Variants in GULP1 observed in about 807,000 individuals in gnomAD.
GULP1 encodes PTB domain-containing engulfment adapter protein 1.
In GULP1, 19 loss-of-function variants were observed where a neutral mutation model predicts 40.9. The observed-to-expected ratio is 0.46, with a 90% CI of 0.32 to 0.68. GULP1 has a LOEUF of 0.68. GULP1 is among the 30% of genes least tolerant of loss of function. GULP1 has a pLI of 0.03. For missense variants in GULP1, 312 were observed against 362.2 expected, an observed-to-expected ratio of 0.86 and a Z score of 1.12; for synonymous variants, 119 against 117.6, an observed-to-expected ratio of 1.01 and a Z score of -0.08.
chr2:188,361,010 T>C (rs887545947), intron 1 of GULP1, among the ~76,000 whole-genome samples: 1 of 152,096 alleles, frequency 6.6e-6, no homozygotes, highest in Non-Finnish European at 1.5e-5. Context: ...AAATTAGCAA[T>C]TTAAAGCTCT....
At chr2:188,484,984 ATCATTTCCACAGATATTGT>A (rs1460980553) in intron 4 of GULP1, among the ~76,000 whole-genome samples, 28 of 152,130 alleles carry the variant, frequency 1.8e-4, no homozygotes, top group Admixed American at 1.8e-3. Flanking sequence ...TATGTTATCC[ATCATTTCCACAGATATTGT>A]TTGTATTAGC....
At chr2:188,573,805 A>G (rs570802618) in intron 9 of GULP1, among the ~76,000 whole-genome samples, 1 of 152,304 alleles carries the variant, frequency 6.6e-6, no homozygotes, top group South Asian at 2.1e-4. Flanking sequence ...GAATTACAAC[A>G]TAGGTGGGTA....
intron 11 of GULP1, 178 bp downstream of exon 11, chr2:188,588,127 CTAAGGA>C: frequency 1.6e-6 from 1 of 628,164 alleles, no homozygotes; most frequent in Non-Finnish European, 2.9e-6. Context: ...CCTACATATG[CTAAGGA>C]TAAGGTTGTT....
chr2:188,382,965 T>A (rs1222915572), intron 1 of GULP1, among the ~76,000 whole-genome samples: 1 of 152,146 alleles, frequency 6.6e-6, no homozygotes, highest in African/African-American at 2.4e-5. Context: ...AGATATGGCA[T>A]CATCAATGTC....
At chr2:188,569,190 C>A (rs61045757) in intron 7 of GULP1, 49 bp from the exon 8 acceptor site, 51,263 of 927,702 alleles carry the variant, frequency 0.055, 5,468 homozygotes, top group African/African-American at 0.39. Context: ...GATTCAAAAA[C>A]AGTTTGACAT....
chr2:188,422,407 T>C (rs1160899499), intron 2 of GULP1, among the ~76,000 whole-genome samples: 1 of 147,412 alleles, frequency 6.8e-6, no homozygotes, highest in Admixed American at 6.7e-5. Context: ...CACATATACA[T>C]ATATATATAT....
chr2:188,293,400 G>C (rs2034219798), intron 1 of GULP1, among the ~76,000 whole-genome samples: 1 of 152,208 alleles, frequency 6.6e-6, no homozygotes, highest in Non-Finnish European at 1.5e-5. Flanking sequence ...AAAAGTTACG[G>C]AGAATGTTCA....
At chr2:188,459,710 AT>A (rs2059550834) in intron 2 of GULP1, among the ~76,000 whole-genome samples, 1 of 151,990 alleles carries the variant, frequency 6.6e-6, no homozygotes, top group Non-Finnish European at 1.5e-5. Context: ...TACTAAAGAA[AT>A]TTTTGCCCAG....
At chr2:188,453,533 C>T (rs945382371) in intron 2 of GULP1, among the ~76,000 whole-genome samples, 4 of 152,106 alleles carry the variant, frequency 2.6e-5, no homozygotes, top group African/African-American at 9.7e-5. Flanking sequence ...CAGAGTTAAG[C>T]AACAGCATAA....
At chr2:188,432,730 A>C (rs538703181) in intron 2 of GULP1, among the ~76,000 whole-genome samples, 2 of 152,228 alleles carry the variant, frequency 1.3e-5, no homozygotes, top group South Asian at 4.1e-4. Context: ...TTTAAAACTC[A>C]GCTTATTTAT....
chr2:188,380,129 G>T lies in GULP1; in HGVS notation c.-171-3634G>T, dbSNP rs1175557289. On this transcript the variant is annotated intron_variant, in intron 1 of 11. Coordinates refer to ENST00000409830, the MANE Select transcript of GULP1 (RefSeq NM_016315.4). ...ATTTTATTTTCCTTAGAGTGTAGGGGTATAGGTATGACTATTTGCATGTCA... is the reference window on the plus strand; with the variant it reads ...ATTTTATTTTCCTTAGAGTGTAGGGTTATAGGTATGACTATTTGCATGTCA... 2.6e-5 allele frequency among the ~76,000 whole-genome samples: 4 copies of T among 152,200 alleles called. No individual in the cohort carries two copies. In the East Asian group the frequency reaches 7.7e-4, roughly 29 times the overall value.
At chr2:188,375,963 G>A (rs1304884269) in intron 1 of GULP1, among the ~76,000 whole-genome samples, 2 of 151,990 alleles carry the variant, frequency 1.3e-5, no homozygotes, top group East Asian at 1.9e-4. Flanking sequence ...GTAGCCATGC[G>A]GAACCCGTAT....
At chr2:188,456,672 C>A (rs1382561965) in intron 2 of GULP1, among the ~76,000 whole-genome samples, 1 of 152,192 alleles carries the variant, frequency 6.6e-6, no homozygotes, top group East Asian at 1.9e-4. Context: ...AGAGTTCCCA[C>A]ACAGAGTCCC....
At chr2:188,449,710 T>C (rs2058682791) in intron 2 of GULP1, among the ~76,000 whole-genome samples, 1 of 152,212 alleles carries the variant, frequency 6.6e-6, no homozygotes, top group Non-Finnish European at 1.5e-5. Context: ...TTCCCATTGC[T>C]ACTCTGGGAT....
At chr2:188,348,642 G>A (rs1273957438) in intron 1 of GULP1, among the ~76,000 whole-genome samples, 1 of 152,170 alleles carries the variant, frequency 6.6e-6, no homozygotes, top group Non-Finnish European at 1.5e-5. Flanking sequence ...AAAATGAAGA[G>A]TTACAGTGTT....
At position 188,565,901 on chromosome 2, in the gene GULP1, TTAG is replaced by T. The variant is rs1270598114; in HGVS notation, c.400-3334_400-3332del. Among the ~76,000 whole-genome samples, 7 of 152,060 alleles carry T rather than the reference TTAG, an allele frequency of 4.6e-5. No individual in the cohort carries two copies. In the East Asian group the frequency reaches 1.2e-3, roughly 25 times the overall value. ...ACGTATGAAACTCAGAAACTTTAAT[TTAG>T]TAGAAGAATACAGACACAAAATAAT... is the stretch of plus-strand genomic sequence containing the variant. On this transcript the variant is annotated intron_variant, in intron 7 of 11. Transcript: ENST00000409830.
chr2:188,532,588 CT>C (rs1687822278), intron 6 of GULP1, among the ~76,000 whole-genome samples: 1 of 151,996 alleles, frequency 6.6e-6, no homozygotes. Flanking sequence ...ATGATTTCAT[CT>C]GACCTTTTAA....
intron 4 of GULP1, among the ~76,000 whole-genome samples, chr2:188,484,052 T>A (rs917173219): frequency 3.3e-5 from 5 of 151,880 alleles, no homozygotes; most frequent in African/African-American, 1.2e-4. Flanking sequence ...GCCTCTGGAG[T>A]AGCTGGAATT....
intron 9 of GULP1, among the ~76,000 whole-genome samples, chr2:188,577,785 G>C (rs191377993): frequency 4.3e-4 from 66 of 152,130 alleles, no homozygotes; most frequent in African/African-American, 1.5e-3. Flanking sequence ...TTCTAAATTA[G>C]AGAAGTCATT....
Sources: allele counts gnomAD v4.1 joint callset (sites outside exome capture counted in the v4.1 genomes callset), GRCh38; gene constraint gnomAD v4.1.1; transcripts MANE v1.5; gene names NCBI Gene and HGNC (gene_info 2026-07-23, HGNC 2026-07-21).